Variants in HDAC9 observed in about 807,000 individuals in gnomAD.
HDAC9 encodes MEF-2 interacting transcription repressor (MITR) protein.
Under a neutral mutation model 139.4 loss-of-function variants are expected in HDAC9, and 41 were observed. The observed-to-expected ratio is 0.29, with a 90% CI of 0.23 to 0.38. HDAC9 has a LOEUF of 0.38. Among genes scored for constraint, HDAC9 ranks in the 10% least tolerant of loss-of-function variants. HDAC9 has a pLI of 1.00. For synonymous variants in HDAC9, 517 were observed against 476.2 expected (o/e 1.09, Z -1.12); for missense variants, 1,147 against 1,297.0 (o/e 0.88, Z 1.78).
chr7:18,789,668 A>G (rs951808754), intron 16 of HDAC9, among the ~76,000 whole-genome samples: 5 of 151,808 alleles, frequency 3.3e-5, no homozygotes, highest in Middle Eastern at 3.2e-3. Context: ...AACCCTTCTG[A>G]TCTCTACTTT....
intron 13 of HDAC9, among the ~76,000 whole-genome samples, chr7:18,745,751 T>C (rs1388507565): frequency 6.6e-6 from 1 of 151,730 alleles, no homozygotes; most frequent in African/African-American, 2.4e-5. Flanking sequence ...TTTCACCTTG[T>C]TAGCCAGGTT....
intron 2 of HDAC9, among the ~76,000 whole-genome samples, chr7:18,573,373 T>C (rs1824927415): frequency 6.6e-6 from 1 of 152,274 alleles, no homozygotes; most frequent in Admixed American, 6.5e-5. Context: ...ATTACTAAAG[T>C]CCAATTTGGG....
At chr7:18,989,128 C>A (rs866385062) in intron 25 of HDAC9, among the ~76,000 whole-genome samples, 2 of 144,166 alleles carry the variant, frequency 1.4e-5, no homozygotes, top group Non-Finnish European at 3.0e-5. Flanking sequence ...GGTGATTTTG[C>A]TCGTTCGTTG....
At chr7:18,937,190 C>A (rs934839811) in intron 23 of HDAC9, among the ~76,000 whole-genome samples, 3 of 151,902 alleles carry the variant, frequency 2.0e-5, no homozygotes, top group Non-Finnish European at 4.4e-5. Flanking sequence ...CAGGTGTGCA[C>A]CATCACGCCC....
chr7:18,167,944 G>C (rs988864468), intron 2 of HDAC9, among the ~76,000 whole-genome samples: 2 of 152,128 alleles, frequency 1.3e-5, no homozygotes, highest in African/African-American at 4.8e-5. Context: ...GATTTAACCA[G>C]TCATTAAAAA....
rs184359231 is a variant in HDAC9, at chr7:18,379,010, C to G, written c.-42+88495C>G. 5.9e-5 allele frequency among the ~76,000 whole-genome samples: 9 copies of G among 152,112 alleles called. No homozygotes were observed. The East Asian group carries it at 1.5e-3, about 26-fold the overall frequency. On this transcript the variant is annotated intron_variant, in intron 1 of 3. Transcript: ENST00000413509. ...AGTTTGCTTTTTAGAAGATTTATACCTAAAAAAATCATTATTCTTACTACA... is the reference window on the plus strand; with the variant it reads ...AGTTTGCTTTTTAGAAGATTTATACGTAAAAAAATCATTATTCTTACTACA...
rs146689234 is a variant in HDAC9, at chr7:18,579,594, C to G, written c.23-5687C>G. Reference sequence around the variant, plus strand: ...TCGCATTGCCAGTGTTGTGAACAACCATTTCCCAGGTAAAAATAACGTAGG... The same window carrying G: ...TCGCATTGCCAGTGTTGTGAACAACGATTTCCCAGGTAAAAATAACGTAGG... On this transcript the variant is annotated intron_variant, in intron 2 of 25. Transcript: ENST00000686413. Among the ~76,000 whole-genome samples the G allele has an allele frequency of 6.6e-5, 10 of 152,264 alleles. No individual in the cohort carries two copies. In the East Asian group the frequency reaches 1.9e-3, roughly 29 times the overall value.
chr7:18,086,987 C>CTCGCCGCTT (rs1054624597), exon 1 of HDAC9: 5 of 149,916 alleles, frequency 3.3e-5, no homozygotes, highest in Non-Finnish European at 5.9e-5. Context: ...GCCCGCCGCT[C>CTCGCCGCTT]TCGCCGCTTT....
chr7:18,379,574 C>T (rs1192822771), intron 1 of HDAC9, among the ~76,000 whole-genome samples: 1 of 152,146 alleles, frequency 6.6e-6, no homozygotes, highest in African/African-American at 2.4e-5. Context: ...TGAACTCACA[C>T]ACAAACAATT....
intron 22 of HDAC9, among the ~76,000 whole-genome samples, chr7:18,924,369 T>A (rs985082863): frequency 2.4e-4 from 36 of 152,254 alleles, no homozygotes; most frequent in African/African-American, 8.4e-4. Context: ...ACAATTGCTG[T>A]CTAATTTAAT....
intron 2 of HDAC9, among the ~76,000 whole-genome samples, chr7:18,576,225 A>C (rs1271776303): frequency 2.0e-5 from 3 of 152,156 alleles, no homozygotes; most frequent in African/African-American, 7.2e-5. Flanking sequence ...CTGGAAATAT[A>C]CAGAGAAAGC....
intron 2 of HDAC9, among the ~76,000 whole-genome samples, chr7:18,201,000 G>A (rs892302767): frequency 2.0e-5 from 3 of 152,160 alleles, no homozygotes; most frequent in African/African-American, 7.2e-5. Context: ...GAGCCTGTAG[G>A]TGCCCTAGAA....
At chr7:18,288,335 A>T (rs1034973200), upstream of HDAC9, among the ~76,000 whole-genome samples, 1 of 152,220 alleles carries the variant, frequency 6.6e-6, no homozygotes, top group East Asian at 1.9e-4. Context: ...TTGCCTTGGC[A>T]TGTTATCTAG....
At chr7:18,794,802 G>T (rs971848219) in intron 17 of HDAC9, among the ~76,000 whole-genome samples, 1 of 152,126 alleles carries the variant, frequency 6.6e-6, no homozygotes, top group Non-Finnish European at 1.5e-5. Flanking sequence ...ATTTTAAAAA[G>T]AATCCAAATG....
At chr7:18,451,055 G>A (rs1176483624) in intron 1 of HDAC9, among the ~76,000 whole-genome samples, 2 of 152,134 alleles carry the variant, frequency 1.3e-5, no homozygotes, top group African/African-American at 4.8e-5. Context: ...CACCATTGTG[G>A]TGGTATTAAG....
rs531656572 is a variant in HDAC9, at chr7:18,648,204, C to A, written c.1249+206C>A. Among the ~76,000 whole-genome samples, 24 of 152,152 alleles carry A rather than the reference C, an allele frequency of 1.6e-4. No homozygotes were observed. The South Asian group carries it at 5.0e-3, about 32-fold the overall frequency. On this transcript the variant is annotated intron_variant, in intron 10 of 25. Coordinates refer to ENST00000686413, the MANE Select transcript of HDAC9 (RefSeq NM_178425.4). ...GGTAGGAGGACTCACCTCATTTAACCTTTATTCATACCAGACTAGGCTGTG... is the reference window on the plus strand; with the variant it reads ...GGTAGGAGGACTCACCTCATTTAACATTTATTCATACCAGACTAGGCTGTG...
chr7:18,974,212 G>A (rs1273842688), intron 24 of HDAC9, among the ~76,000 whole-genome samples: 1 of 152,230 alleles, frequency 6.6e-6, no homozygotes, highest in African/African-American at 2.4e-5. Flanking sequence ...GATTTGGAAA[G>A]GCAATCAAGA....
intron 1 of HDAC9, among the ~76,000 whole-genome samples, chr7:18,293,284 A>G (rs923770752): frequency 4.7e-5 from 7 of 150,308 alleles, no homozygotes; most frequent in African/African-American, 1.7e-4. Context: ...GGGAAGGGTC[A>G]CTGTTATGTC....
In HDAC9 at chr7:18,799,244, A is replaced by T. The variant is rs190281947; in HGVS notation, c.2322+5792A>T. On this transcript the variant is annotated intron_variant, in intron 17 of 25. Transcript: ENST00000686413. ...CACAGATTTTACACAACGATTTCAC[A>T]AAAGTCACTAAGAAAATGACGATAA... 3.3e-4 allele frequency among the ~76,000 whole-genome samples: 50 copies of T among 152,344 alleles called. 1 individual carries two copies. The East Asian group carries it at 9.5e-3, about 29-fold the overall frequency.
Sources: gnomAD v4.1 joint callset for allele counts (sites outside exome capture counted in the v4.1 genomes callset) on GRCh38, gnomAD v4.1.1 for gene constraint, MANE v1.5 for transcripts, NCBI Gene and HGNC (gene_info 2026-07-23, HGNC 2026-07-21) for gene names.